The following MAPRE2 variants were observed in gnomAD, a reference collection of about 807,000 sequenced individuals.
The protein encoded by MAPRE2 is microtubule-associated protein RP/EB family member 2.
Under a neutral mutation model 43.2 loss-of-function variants are expected in MAPRE2, and 13 were observed. The ratio of observed to expected loss-of-function variants is 0.30; its 90% confidence interval spans 0.20 to 0.48. The LOEUF (loss-of-function observed/expected upper bound fraction) is 0.48, where lower values mean the gene tolerates loss of function less well. Ranked by LOEUF, MAPRE2 falls within the 20% of genes least tolerant of loss-of-function variation. The pLI is 0.99. For synonymous variants in MAPRE2, 135 were observed against 148.8 expected (o/e 0.91, Z 0.68); for missense variants, 161 against 400.2 (o/e 0.40, Z 5.10).
At chr18:35,042,144 A>G (rs2018267762) in intron 1 of MAPRE2, among the ~76,000 whole-genome samples, 1 of 152,180 alleles carries the variant, frequency 6.6e-6, no homozygotes, top group African/African-American at 2.4e-5. Flanking sequence ...AAACCGCCAG[A>G]TTGATGGAGC....
intron 2 of MAPRE2, among the ~76,000 whole-genome samples, chr18:35,016,537 A>G (rs273359): frequency 0.55 from 83,432 of 151,824 alleles, 24,229 homozygotes; most frequent in East Asian, 0.71. Flanking sequence ...TGTGGTTTTG[A>G]TTTGCATTTC....
chr18:34,978,388 G>A, intron 1 of MAPRE2: 1 of 850,452 alleles, frequency 1.2e-6, no homozygotes, highest in South Asian at 1.4e-5. Flanking sequence ...CTGGGGCCGC[G>A]CTGCGAGGCG....
chr18:35,140,464 T>C lies in MAPRE2; in HGVS notation c.*95T>C, dbSNP rs1163279654. The C allele has an allele frequency of 3.3e-6, 4 of 1,210,038 alleles. No individual in the cohort carries two copies. The East Asian group carries it at 7.7e-5, about 23-fold the overall frequency. The allele number at this position is 1,210,038 out of a possible 1,614,324, so 75.0% of individuals were successfully genotyped here. On this transcript the variant is annotated 3_prime_UTR_variant, in exon 7 of 7. Transcript: ENST00000300249. ...TGGCCCCAAGCTCAACAGAAACCAGTTGTTCCCAATCTGCCGTTACCATCA... is the reference window on the plus strand; with the variant it reads ...TGGCCCCAAGCTCAACAGAAACCAGCTGTTCCCAATCTGCCGTTACCATCA...
chr18:35,021,195 T>TATTCAC (rs2097041749), intron 2 of MAPRE2, among the ~76,000 whole-genome samples: 1 of 152,172 alleles, frequency 6.6e-6, no homozygotes, highest in African/African-American at 2.4e-5. Context: ...ACCAGACCAT[T>TATTCAC]ACTTAAGCTT....
At chr18:35,053,852 G>A (rs187887447) in intron 1 of MAPRE2, among the ~76,000 whole-genome samples, 255 of 152,218 alleles carry the variant, frequency 1.7e-3, no homozygotes, top group African/African-American at 5.8e-3. Flanking sequence ...CTTAATACCT[G>A]GGTGATGAAA....
At chr18:35,020,938 C>A (rs939008809) in intron 2 of MAPRE2, among the ~76,000 whole-genome samples, 1 of 152,072 alleles carries the variant, frequency 6.6e-6, no homozygotes, top group Non-Finnish European at 1.5e-5. Flanking sequence ...GGATGGAACT[C>A]AATACATATT....
At chr18:35,085,999 G>A (rs957779540) in intron 2 of MAPRE2, among the ~76,000 whole-genome samples, 9 of 152,140 alleles carry the variant, frequency 5.9e-5, no homozygotes, top group Non-Finnish European at 1.3e-4. Flanking sequence ...ACATGGATGT[G>A]TCCAATTAAT....
At chr18:34,984,975 A>ATTT (rs1336496506) in intron 1 of MAPRE2, among the ~76,000 whole-genome samples, 12 of 77,754 alleles carry the variant, frequency 1.5e-4, no homozygotes, top group Non-Finnish European at 2.0e-4. Context: ...TATATAATAT[A>ATTT]TAAAATATAT....
At chr18:35,017,244 GTTTTTTT>G (rs140257488) in intron 2 of MAPRE2, among the ~76,000 whole-genome samples, 2 of 126,274 alleles carry the variant, frequency 1.6e-5, no homozygotes, top group Non-Finnish European at 1.6e-5. Context: ...CGGTTTTGTT[GTTTTTTT>G]TTTTTTTTTT....
At chr18:35,127,379 C>G (rs1267411257) in intron 5 of MAPRE2, 1 of 303,590 alleles carries the variant, frequency 3.3e-6, no homozygotes, top group Non-Finnish European at 6.2e-6. Flanking sequence ...GTCAAGAGCT[C>G]CAGGCTAGAC....
chr18:34,999,748 C>G (rs947459059), intron 1 of MAPRE2, among the ~76,000 whole-genome samples: 2 of 152,136 alleles, frequency 1.3e-5, no homozygotes, highest in African/African-American at 2.4e-5. Flanking sequence ...AGACTTAACC[C>G]AAGATTCAGT....
intron 1 of MAPRE2, among the ~76,000 whole-genome samples, chr18:35,057,221 G>C (rs1906276106): frequency 6.6e-6 from 1 of 151,978 alleles, no homozygotes; most frequent in Non-Finnish European, 1.5e-5. Flanking sequence ...CTCCACGTTG[G>C]CCAGGCTGGT....
intron 1 of MAPRE2, among the ~76,000 whole-genome samples, chr18:35,002,651 C>G (rs1441354964): frequency 6.6e-6 from 1 of 152,064 alleles, no homozygotes; most frequent in African/African-American, 2.4e-5. Context: ...TTTCTTTTAT[C>G]TATAGGCTAA....
chr18:34,985,713 TCA>T (rs1169952025), intron 1 of MAPRE2, among the ~76,000 whole-genome samples: 37 of 125,576 alleles, frequency 2.9e-4, no homozygotes, highest in African/African-American at 1.0e-3. Context: ...TAAATATATA[TCA>T]TATAATATGT....
At chr18:35,027,174 C>T (rs555726835) in intron 2 of MAPRE2, among the ~76,000 whole-genome samples, 14 of 152,292 alleles carry the variant, frequency 9.2e-5, no homozygotes, top group Admixed American at 2.6e-4. Context: ...CTCTCCCATC[C>T]CACAGGTTTT....
chr18:34,994,442 A>G (rs1410506173), intron 1 of MAPRE2, among the ~76,000 whole-genome samples: 1 of 151,002 alleles, frequency 6.6e-6, no homozygotes, highest in Non-Finnish European at 1.5e-5. Flanking sequence ...TAGAGAAATG[A>G]TGGTCAAACT....
At chr18:34,989,547 C>G (rs1214258750) in intron 1 of MAPRE2, among the ~76,000 whole-genome samples, 1 of 152,034 alleles carries the variant, frequency 6.6e-6, no homozygotes, top group Non-Finnish European at 1.5e-5. Context: ...CTATGTTTAC[C>G]AAAAAATTTT....
chr18:34,985,279 T>TATA lies in MAPRE2; in HGVS notation c.-70+8201_-70+8203dup, dbSNP rs1568961422. On this transcript the variant is annotated intron_variant, in intron 1 of 7. Transcript: ENST00000413393. Reference sequence around the variant, plus strand: ...TAATATAATATATTATATAATATAATATATTATATATTATATTATATATTG... The same window carrying TATA: ...TAATATAATATATTATATAATATAATATAATATTATATATTATATTATATATTG... 1.0e-3 allele frequency among the ~76,000 whole-genome samples: 47 copies of TATA among 46,460 alleles called. 1 individual carries two copies. The highest frequency in any genetic ancestry group is 1.4e-3 in the African/African-American group (15 of 10,674). The allele number at this position is 46,460 out of a possible 152,430, so 30.5% of individuals were successfully genotyped here. A position where few individuals can be genotyped will look rare whatever the true frequency, so the allele number is the denominator to read the frequency against.
intron 3 of MAPRE2, among the ~76,000 whole-genome samples, chr18:35,097,953 T>C (rs1306829077): frequency 6.6e-6 from 1 of 152,250 alleles, no homozygotes; most frequent in African/African-American, 2.4e-5. Context: ...CAGCATGGTT[T>C]TGAATCCCAG....
Sources: allele counts gnomAD v4.1 joint callset (sites outside exome capture counted in the v4.1 genomes callset), GRCh38; gene constraint gnomAD v4.1.1; transcripts MANE v1.5; gene names NCBI Gene and HGNC (gene_info 2026-07-23, HGNC 2026-07-21).